Variants in FAT3 observed in about 807,000 individuals in gnomAD.
FAT3 encodes the protein FAT atypical cadherin 3.
A neutral mutation model predicts 310.2 loss-of-function variants in FAT3; 95 were observed. The observed-to-expected ratio is 0.31, with a 90% CI of 0.26 to 0.36. The LOEUF (loss-of-function observed/expected upper bound fraction) is 0.36. Ranked by LOEUF, FAT3 falls within the 10% of genes least tolerant of loss-of-function variation. The pLI is 1.00. For missense variants in FAT3, 5,408 were observed against 5,715.6 expected, an observed-to-expected ratio of 0.95 and a Z score of 1.74; for synonymous variants, 2,314 against 2,192.9, an observed-to-expected ratio of 1.06 and a Z score of -1.54.
At chr11:92,563,675 T>TA (rs1271140040) in intron 3 of FAT3, among the ~76,000 whole-genome samples, 1 of 152,058 alleles carries the variant, frequency 6.6e-6, no homozygotes, top group Non-Finnish European at 1.5e-5. Context: ...CCCATCAGAC[T>TA]AACAGCAGAT....
In FAT3 at chr11:92,352,920, A is replaced by G. The variant is rs375574346; in HGVS notation, c.808A>G (p.Thr270Ala). ...NEHAPTIHVV[T>A]HVPFSLEKEP... Reference sequence around the variant, plus strand: ...ACATGCCCCAACAATCCATGTAGTCACTCATGTTCCTTTCTCGTTGGAAAA... The same window carrying G: ...ACATGCCCCAACAATCCATGTAGTCGCTCATGTTCCTTTCTCGTTGGAAAA... Residue 270 changes from threonine to alanine, a missense_variant, in exon 2 of 28, where the codon ACT becomes GCT. This residue lies in a region of FAT3 where 4,588 missense variants were observed against 4,809.8 expected (regional missense o/e 0.95). Transcript: ENST00000525166. 2 of 1,613,650 alleles carry G rather than the reference A, an allele frequency of 1.2e-6. No homozygotes were observed. The highest frequency in any genetic ancestry group is 1.7e-6 in the Non-Finnish European group (2 of 1,179,834).
chr11:92,403,192 T>C (rs1950061052), intron 2 of FAT3: 1 of 152,190 alleles, frequency 6.6e-6, no homozygotes, highest in Non-Finnish European at 1.5e-5. Context: ...GTAGATGTAA[T>C]GTCAACAAGA....
chr11:92,691,686 T>A (rs748134317), intron 3 of FAT3, among the ~76,000 whole-genome samples: 1 of 151,584 alleles, frequency 6.6e-6, no homozygotes. Flanking sequence ...TGGCCAAGAG[T>A]TGCTGGGTTT....
In FAT3 at chr11:92,472,289, T is replaced by A. The variant is rs139052534; in HGVS notation, c.3293-52345T>A. Among the ~76,000 whole-genome samples, 655 of 152,258 alleles carry A rather than the reference T, an allele frequency of 4.3e-3. 4 individuals are homozygous for A. Among genetic ancestry groups the A allele is most frequent in the African/African-American group, 0.015 (612 of 41,554 alleles). ...AGCAGTACTGTAAGTGGCTATCAGT[T>A]CCCCATACCCTGACCAACACTGACT... is the stretch of plus-strand genomic sequence containing the variant. On this transcript the variant is annotated intron_variant, in intron 2 of 27. Coordinates refer to ENST00000525166, the MANE Select transcript of FAT3 (RefSeq NM_001367949.2).
Position 92,889,889 on chromosome 11 carries a change from G to A in FAT3, c.13145G>A (p.Arg4382Gln), listed in dbSNP as rs747818054. 5.4e-5 allele frequency: 39 copies of A among 717,954 alleles called. No individual in the cohort carries two copies. The highest frequency in any genetic ancestry group is 2.8e-4 in the South Asian group (19 of 67,604). The allele number at this position is 717,954 out of a possible 1,614,324, so 44.5% of individuals were successfully genotyped here. A position where few individuals can be genotyped will look rare whatever the true frequency, so the allele number is the denominator to read the frequency against. The change falls in exon 27 of 28, where the codon CGA becomes CAA. Residue 4382 changes from arginine (R) to glutamine (Q), a missense_variant and splice_region_variant. Transcript: ENST00000525166. ...SVMDQGQNYN[R>Q]AYHWDTSDWM... Reference sequence around the variant, plus strand: ...ATGGACCAAGGACAGAACTACAACCGAGGTGACTGTGCCGCAACCCTAGCA... The same window carrying A: ...ATGGACCAAGGACAGAACTACAACCAAGGTGACTGTGCCGCAACCCTAGCA...
intron 1 of FAT3, among the ~76,000 whole-genome samples, chr11:92,249,365 G>A (rs1306052134): frequency 2.0e-5 from 3 of 152,058 alleles, no homozygotes; most frequent in Non-Finnish European, 4.4e-5. Context: ...CGTGCAATCT[G>A]AAATATGTCT....
chr11:92,798,888 G>T lies in FAT3; in HGVS notation c.5875G>T (p.Asp1959Tyr). The T allele has an allele frequency of 6.2e-7, 1 of 1,613,960 alleles. No individual in the cohort carries two copies. The highest frequency in any genetic ancestry group is 8.5e-7 in the Non-Finnish European group (1 of 1,179,884). The change falls in exon 10 of 28, where the codon GAT becomes TAT. Residue 1959 changes from aspartate (D) to tyrosine (Y), a missense_variant. Physicochemically the swap from Asp to Tyr is radical, Grantham distance 160. This residue lies in a region of FAT3 where 4,588 missense variants were observed against 4,809.8 expected (regional missense o/e 0.95). Coordinates refer to ENST00000525166, the MANE Select transcript of FAT3 (RefSeq NM_001367949.2). ...CTACATGCTGATAGTTAAGGTGTCT[G>T]ATGGAAAGTTCTACAGTACCTCCAT... is the stretch of plus-strand genomic sequence containing the variant. ...DHYMLIVKVSDGKFYSTSMVT... is the reference protein window; with the variant it reads ...DHYMLIVKVSYGKFYSTSMVT...
chr11:92,788,015 C>T (rs370700459), intron 7 of FAT3, among the ~76,000 whole-genome samples: 2 of 152,006 alleles, frequency 1.3e-5, no homozygotes, highest in Admixed American at 1.3e-4. Flanking sequence ...TGAATGAAAC[C>T]GAAGCATAAT....
intron 20 of FAT3, among the ~76,000 whole-genome samples, chr11:92,857,708 T>C (rs1057410834): frequency 6.6e-6 from 1 of 152,192 alleles, no homozygotes; most frequent in South Asian, 2.1e-4. Context: ...CTCAGGGTGC[T>C]GCACAAATCC....
intron 4 of FAT3, among the ~76,000 whole-genome samples, chr11:92,744,499 C>T (rs1945597599): frequency 1.3e-5 from 2 of 152,210 alleles, no homozygotes; most frequent in South Asian, 4.1e-4. Context: ...AAGAAATATA[C>T]TCTCTTCATT....
chr11:92,696,347 C>G (rs1943941984), intron 3 of FAT3, among the ~76,000 whole-genome samples: 1 of 152,034 alleles, frequency 6.6e-6, no homozygotes, highest in South Asian at 2.1e-4. Context: ...CCGTGGGGAG[C>G]CATTTAATTT....
At chr11:92,457,695 G>A (rs1009698972) in intron 2 of FAT3, among the ~76,000 whole-genome samples, 2 of 152,162 alleles carry the variant, frequency 1.3e-5, no homozygotes, top group African/African-American at 4.8e-5. Flanking sequence ...GCTGAGGCGG[G>A]CGGATCGCCT....
At chr11:92,526,881 CATG>C (rs1953885217) in intron 3 of FAT3, among the ~76,000 whole-genome samples, 1 of 152,140 alleles carries the variant, frequency 6.6e-6, no homozygotes, top group African/African-American at 2.4e-5. Flanking sequence ...TTTCCAGACA[CATG>C]ATAAGAAAAT....
intron 2 of FAT3, among the ~76,000 whole-genome samples, chr11:92,480,700 A>AT (rs200291674): frequency 0.015 from 2,269 of 152,138 alleles, 43 homozygotes; most frequent in African/African-American, 0.046. Flanking sequence ...AGCAATGCAC[A>AT]TTTTTTTTGT....
At chr11:92,774,289 T>G in intron 7 of FAT3, 109 bp downstream of exon 7, 3 of 1,185,028 alleles carry the variant, frequency 2.5e-6, no homozygotes, top group South Asian at 1.8e-5. Flanking sequence ...TGTCGACGGT[T>G]TTCTAGTGTT....
intron 4 of FAT3, among the ~76,000 whole-genome samples, chr11:92,701,257 A>C (rs1300425897): frequency 2.0e-5 from 3 of 152,174 alleles, no homozygotes; most frequent in East Asian, 3.9e-4. Flanking sequence ...GACATTAATG[A>C]TTTCTTGGTA....
chr11:92,569,266 G>A lies in FAT3; in HGVS notation c.3607+44318G>A, dbSNP rs554879112. Among the ~76,000 whole-genome samples the A allele has an allele frequency of 9.3e-4, 142 of 152,242 alleles. No individual in the cohort carries two copies. In the Middle Eastern group the frequency reaches 0.027, roughly 29 times the overall value. On this transcript the variant is annotated intron_variant, in intron 3 of 27. Transcript: ENST00000525166. ...CTTCTCAGTAAAATGAAGATAACAA[G>A]CGTACCTATTTTATAGCATTGCTGT...
intron 3 of FAT3, among the ~76,000 whole-genome samples, chr11:92,543,817 C>T (rs558154815): frequency 9.9e-4 from 150 of 152,268 alleles, no homozygotes; most frequent in African/African-American, 3.3e-3. Context: ...GAAAAACCTA[C>T]TCTATGTCAG....
intron 4 of FAT3, among the ~76,000 whole-genome samples, chr11:92,708,408 AG>A (rs935096340): frequency 6.6e-6 from 1 of 152,264 alleles, no homozygotes; most frequent in African/African-American, 2.4e-5. Flanking sequence ...AGACAGACAT[AG>A]TAACTCACTA....
Sources: allele counts gnomAD v4.1 joint callset (sites outside exome capture counted in the v4.1 genomes callset), GRCh38; gene constraint gnomAD v4.1.1; regional missense constraint gnomAD v4.1.1; transcripts MANE v1.5; gene names NCBI Gene and HGNC (gene_info 2026-07-23, HGNC 2026-07-21).